Variants in KCNK2 observed in about 807,000 individuals in gnomAD.
KCNK2 encodes the protein potassium channel subfamily K member 2.
In KCNK2, 21 loss-of-function variants were observed where a neutral mutation model predicts 40.5. That is an observed-to-expected ratio of 0.52 (90% CI 0.37 to 0.75). KCNK2 has a LOEUF of 0.75. Ranked by LOEUF, KCNK2 falls within the 30% of genes least tolerant of loss-of-function variation. The pLI, the probability that KCNK2 is intolerant of heterozygous loss-of-function variation, is 0.00. For synonymous variants in KCNK2, 191 were observed against 202.2 expected (o/e 0.94, Z 0.47); for missense variants, 399 against 531.6 (o/e 0.75, Z 2.45).
intron 1 of KCNK2, among the ~76,000 whole-genome samples, chr1:215,010,701 C>G (rs1656344938): frequency 6.6e-6 from 1 of 152,114 alleles, no homozygotes; most frequent in South Asian, 2.1e-4. Flanking sequence ...CAACCAGCAA[C>G]TTTTCATACC....
At chr1:215,008,217 G>T (rs1292368683) in intron 1 of KCNK2, among the ~76,000 whole-genome samples, 1 of 151,808 alleles carries the variant, frequency 6.6e-6, no homozygotes, top group Non-Finnish European at 1.5e-5. Flanking sequence ...TCTTCAAAAG[G>T]AAACCTGTAG....
At chr1:215,022,666 A>T (rs1656847777) in intron 1 of KCNK2, among the ~76,000 whole-genome samples, 1 of 152,118 alleles carries the variant, frequency 6.6e-6, no homozygotes, top group Non-Finnish European at 1.5e-5. Flanking sequence ...TTGTCTGAAG[A>T]TGTGCAACCT....
rs565972217 is a variant in KCNK2, at chr1:215,091,420, G to A, written c.357+4742G>A. On this transcript the variant is annotated intron_variant, in intron 2 of 6. Coordinates refer to ENST00000444842, the MANE Select transcript of KCNK2 (RefSeq NM_001017425.3). ...CTTGGCTGTGTAGCAGAGGATACTC[G>A]GAGCTACAGGATAAATAAATAAACA... Among the ~76,000 whole-genome samples the A allele has an allele frequency of 7.6e-4, 115 of 152,186 alleles. 1 individual carries two copies. The highest frequency in any genetic ancestry group is 2.6e-3 in the African/African-American group (109 of 41,498).
At chr1:215,041,622 C>G (rs918048293) in intron 1 of KCNK2, among the ~76,000 whole-genome samples, 2 of 152,136 alleles carry the variant, frequency 1.3e-5, no homozygotes, top group African/African-American at 4.8e-5. Context: ...GAATTTTAAA[C>G]TCAGATATTT....
chr1:215,219,390 ATAGT>A (rs1666082304), intron 6 of KCNK2, among the ~76,000 whole-genome samples: 1 of 152,232 alleles, frequency 6.6e-6, no homozygotes, highest in African/African-American at 2.4e-5. Context: ...TTTAGGTTAA[ATAGT>A]TAGAAAAAAT....
chr1:215,216,959 T>A (rs1476183506), intron 6 of KCNK2, among the ~76,000 whole-genome samples: 2 of 152,174 alleles, frequency 1.3e-5, no homozygotes, highest in African/African-American at 2.4e-5. Flanking sequence ...ATGATATAGA[T>A]TGTGTTTCTC....
chr1:215,053,129 C>G (rs1403433669), intron 1 of KCNK2, among the ~76,000 whole-genome samples: 1 of 151,946 alleles, frequency 6.6e-6, no homozygotes, highest in Admixed American at 6.6e-5. Flanking sequence ...ATGTGCAGGA[C>G]GTGCAGGTTA....
In KCNK2 at chr1:215,083,209, C is replaced by CCCCCCCCT; in HGVS notation, c.-177_-176insCCCCCCCT. 11 of 1,165,596 alleles carry CCCCCCCCT rather than the reference C, an allele frequency of 9.4e-6. No individual in the cohort carries two copies. Among genetic ancestry groups the CCCCCCCCT allele is most frequent in the Admixed American group, 8.5e-5 (4 of 47,204 alleles). 72.2% of individuals were successfully genotyped at this position (1,165,596 alleles called of 1,614,324 possible). On this transcript the variant is annotated 5_prime_UTR_variant, in exon 1 of 7. Transcript: ENST00000444842. ...CTTCTCACGCTCCCCCCCCCGCCCC[C>CCCCCCCCT]TCCCGCGTCCAGCCCCGCTCTCCCC... is the stretch of plus-strand genomic sequence containing the variant.
At chr1:215,154,795 A>C (rs1351779500) in intron 3 of KCNK2, among the ~76,000 whole-genome samples, 1 of 152,154 alleles carries the variant, frequency 6.6e-6, no homozygotes, top group East Asian at 1.9e-4. Flanking sequence ...AGTTTTCTGC[A>C]TATGGCTAGC....
intron 5 of KCNK2, among the ~76,000 whole-genome samples, chr1:215,185,998 A>G (rs541159622): frequency 6.6e-6 from 1 of 152,368 alleles, no homozygotes; most frequent in East Asian, 1.9e-4. Context: ...TGTATTTCTT[A>G]ACATCAGTAT....
chr1:215,072,450 A>G (rs569617768), intron 1 of KCNK2, among the ~76,000 whole-genome samples: 13 of 152,362 alleles, frequency 8.5e-5, no homozygotes, highest in South Asian at 2.1e-4. Context: ...GCCATAAACA[A>G]TGTTTATTTT....
intron 6 of KCNK2, among the ~76,000 whole-genome samples, chr1:215,210,641 T>C (rs1300216734): frequency 2.6e-5 from 4 of 151,960 alleles, no homozygotes; most frequent in Non-Finnish European, 5.9e-5. Context: ...TACAGTTTTA[T>C]ATATATATAG....
At chr1:215,053,732 C>T (rs929822061) in intron 1 of KCNK2, among the ~76,000 whole-genome samples, 5 of 152,148 alleles carry the variant, frequency 3.3e-5, no homozygotes, top group South Asian at 2.1e-4. Context: ...AATCCCTGGC[C>T]GAGGCAGGCA....
chr1:215,216,483 T>C (rs1665965554), intron 6 of KCNK2, among the ~76,000 whole-genome samples: 1 of 148,422 alleles, frequency 6.7e-6, no homozygotes, highest in African/African-American at 2.4e-5. Flanking sequence ...GTTGTATTTT[T>C]ATACATAATA....
chr1:215,030,374 C>T (rs1657142847), intron 1 of KCNK2, among the ~76,000 whole-genome samples: 1 of 152,116 alleles, frequency 6.6e-6, no homozygotes, highest in African/African-American at 2.4e-5. Flanking sequence ...TCTTGATAGT[C>T]TCTTTTGCCA....
Position 215,235,123 on chromosome 1 carries a change from C to T in KCNK2, c.1259C>T (p.Ala420Val). Residue 420 changes from alanine (A) to valine (V), a missense_variant, in exon 7 of 7, where the codon GCT (alanine) becomes GTT (valine). Ala to Val is a moderately conservative substitution (Grantham distance 64, BLOSUM62 0). This residue lies in a region of KCNK2 where 103 missense variants were observed against 124.3 expected (regional missense o/e 0.83). Transcript: ENST00000444842. Reference protein sequence around the residue: ...LTPHCAGEEIAVIENIK With the variant: ...LTPHCAGEEIVVIENIK ...CCACACTGTGCTGGTGAAGAGATTG[C>T]TGTGATTGAGAACATCAAATAGCCC... is the stretch of plus-strand genomic sequence containing the variant. 9 of 1,598,024 alleles carry T rather than the reference C, an allele frequency of 5.6e-6. No individual in the cohort carries two copies. Among genetic ancestry groups the T allele is most frequent in the Non-Finnish European group, 7.7e-6 (9 of 1,166,728 alleles).
rs1465315948 is a variant in KCNK2 at position 215,236,684 on chromosome 1, A to G, written c.*1539A>G. ...CTTAGATCTGCTGTACATTGTATAT[A>G]TATATAATTTTTAAAATGCAGAAAG... On this transcript the variant is annotated 3_prime_UTR_variant, in exon 7 of 7. Coordinates refer to ENST00000444842, the MANE Select transcript of KCNK2 (RefSeq NM_001017425.3). The G allele has an allele frequency of 1.3e-5, 2 of 152,274 alleles. No homozygotes were observed. The highest frequency in any genetic ancestry group is 3.4e-3 in the Middle Eastern group (1 of 294). 9.4% of individuals were successfully genotyped at this position (152,274 alleles called of 1,614,324 possible). A position where few individuals can be genotyped will look rare whatever the true frequency, so the allele number is the denominator to read the frequency against.
upstream of KCNK2, among the ~76,000 whole-genome samples, chr1:215,079,218 G>A (rs1322523959): frequency 1.3e-5 from 2 of 152,100 alleles, no homozygotes; most frequent in African/African-American, 2.4e-5. Flanking sequence ...TTATACTTTC[G>A]ATGGGGCTTA....
At chr1:215,030,389 G>T (rs1394686281) in intron 1 of KCNK2, among the ~76,000 whole-genome samples, 5 of 152,038 alleles carry the variant, frequency 3.3e-5, no homozygotes. Context: ...TTGCCAAGCA[G>T]AAAATTTTAA....
Sources: allele counts gnomAD v4.1 joint callset (sites outside exome capture counted in the v4.1 genomes callset), GRCh38; gene constraint gnomAD v4.1.1; regional missense constraint gnomAD v4.1.1; transcripts MANE v1.5; gene names NCBI Gene and HGNC (gene_info 2026-07-23, HGNC 2026-07-21).